The following CACUL1 variants were observed in gnomAD, a reference collection of about 807,000 sequenced individuals.
The protein encoded by CACUL1 is CDK2-associated and cullin domain-containing protein 1.
In CACUL1, 13 loss-of-function variants were observed where a neutral mutation model predicts 45.2. That is an observed-to-expected ratio of 0.29 (90% confidence interval 0.19 to 0.46). CACUL1 has a LOEUF of 0.46. CACUL1 is among the 20% of genes least tolerant of loss of function. CACUL1 has a pLI of 1.00. For synonymous variants in CACUL1, 197 were observed against 174.2 expected, an observed-to-expected ratio of 1.13 and a Z score of -1.03; for missense variants, 421 against 471.4, an observed-to-expected ratio of 0.89 and a Z score of 0.99.
At chr10:118,702,105 T>C (rs576083204) in intron 4 of CACUL1, among the ~76,000 whole-genome samples, 16 of 152,306 alleles carry the variant, frequency 1.1e-4, no homozygotes, top group African/African-American at 3.8e-4. Context: ...TGCCTTCTCC[T>C]GGACAATGAG....
At chr10:118,691,866 CAAAAAAAAAAA>C (rs754241223) in intron 6 of CACUL1, among the ~76,000 whole-genome samples, 29 of 95,410 alleles carry the variant, frequency 3.0e-4, no homozygotes, top group Non-Finnish European at 3.2e-4. Context: ...GACTCCGTCT[CAAAAAAAAAAA>C]AAAAAAAAAA....
intron 1 of CACUL1, among the ~76,000 whole-genome samples, chr10:118,744,857 C>T (rs1420584616): frequency 6.6e-6 from 1 of 152,032 alleles, no homozygotes; most frequent in Admixed American, 6.6e-5. Context: ...GGTTTCACCA[C>T]GTTGGCCAGG....
chr10:118,695,015 C>T, intron 6 of CACUL1, 126 bp downstream of exon 6: 1 of 644,344 alleles, frequency 1.6e-6, no homozygotes, highest in Non-Finnish European at 2.9e-6. Flanking sequence ...TGAGTATCTA[C>T]TCAATTTTTT....
intron 3 of CACUL1, among the ~76,000 whole-genome samples, chr10:118,716,305 ATTTT>A (rs143046882): frequency 6.9e-6 from 1 of 145,032 alleles, no homozygotes; most frequent in Non-Finnish European, 1.5e-5. Context: ...CCATTTTGGT[ATTTT>A]TTTTTTTTTT....
chr10:118,681,384 G>A lies in CACUL1; in HGVS notation c.*4744C>T, dbSNP rs1025990450. 1.8e-4 allele frequency: 27 copies of A among 152,192 alleles called. No homozygotes were observed. The highest frequency in any genetic ancestry group is 6.3e-4 in the African/African-American group (26 of 41,450). 9.4% of individuals were successfully genotyped at this position (152,192 alleles called of 1,614,324 possible). A position where few individuals can be genotyped will look rare whatever the true frequency, so the allele number is the denominator to read the frequency against. ...GTAAGTTATCCTGAAGTGTGTGGCT[G>A]TAATATTGACAAATAGAACTAATGA... On this transcript the variant is annotated 3_prime_UTR_variant, in exon 9 of 9. Coordinates refer to ENST00000369151, the MANE Select transcript of CACUL1 (RefSeq NM_153810.5).
At chr10:118,691,438 A>G in intron 6 of CACUL1, 35 bp from the exon 7 acceptor site, 5 of 1,570,104 alleles carry the variant, frequency 3.2e-6, no homozygotes, top group Non-Finnish European at 4.4e-6. Context: ...TAAGGAAATC[A>G]TATAAACACA....
chr10:118,728,317 CTTTTT>C (rs5788315), intron 3 of CACUL1, among the ~76,000 whole-genome samples: 1 of 140,814 alleles, frequency 7.1e-6, no homozygotes. Flanking sequence ...AGTGACTTTT[CTTTTT>C]TTTTTTTTTT....
At chr10:118,736,004 C>T (rs1224215327) in intron 1 of CACUL1, among the ~76,000 whole-genome samples, 1 of 152,068 alleles carries the variant, frequency 6.6e-6, no homozygotes, top group South Asian at 2.1e-4. Context: ...CTAGAGTATG[C>T]TCATCTGTGA....
chr10:118,731,894 C>T (rs554382824), intron 1 of CACUL1, among the ~76,000 whole-genome samples: 3 of 152,186 alleles, frequency 2.0e-5, no homozygotes, highest in East Asian at 3.9e-4. Context: ...AAAAATGAAC[C>T]GAATTACAAA....
intron 3 of CACUL1, among the ~76,000 whole-genome samples, chr10:118,717,564 C>T (rs1216841242): frequency 1.3e-5 from 2 of 152,136 alleles, no homozygotes; most frequent in East Asian, 1.9e-4. Flanking sequence ...TAACTTACAT[C>T]TGCAATGTTC....
At chr10:118,749,576 G>A (rs1388810918) in intron 1 of CACUL1, among the ~76,000 whole-genome samples, 1 of 152,184 alleles carries the variant, frequency 6.6e-6, no homozygotes, top group African/African-American at 2.4e-5. Flanking sequence ...TAAAGAAGAG[G>A]ATGAGTTCCA....
chr10:118,725,084 G>T (rs1380190196), intron 3 of CACUL1, among the ~76,000 whole-genome samples: 1 of 152,102 alleles, frequency 6.6e-6, no homozygotes, highest in Non-Finnish European at 1.5e-5. Flanking sequence ...TCCATTCACT[G>T]GTATAGGAAA....
chr10:118,715,968 G>A (rs983633203), intron 3 of CACUL1, among the ~76,000 whole-genome samples: 1 of 152,128 alleles, frequency 6.6e-6, no homozygotes, highest in Non-Finnish European at 1.5e-5. Flanking sequence ...TGGGCGCGGT[G>A]GCTCACACCT....
At chr10:118,718,540 C>T (rs1262649851) in intron 3 of CACUL1, among the ~76,000 whole-genome samples, 1 of 152,200 alleles carries the variant, frequency 6.6e-6, no homozygotes, top group Non-Finnish European at 1.5e-5. Context: ...AGACAAACAC[C>T]TCACGGCCCG....
At chr10:118,752,296 G>T (rs1845906752) in intron 1 of CACUL1, among the ~76,000 whole-genome samples, 2 of 152,024 alleles carry the variant, frequency 1.3e-5, no homozygotes, top group Admixed American at 1.3e-4. Flanking sequence ...TTTACTGAAG[G>T]TTTTTGGTAA....
At chr10:118,717,721 A>C (rs746205628) in intron 3 of CACUL1, among the ~76,000 whole-genome samples, 5 of 152,210 alleles carry the variant, frequency 3.3e-5, no homozygotes, top group Admixed American at 2.0e-4. Flanking sequence ...CCAAGTGTGA[A>C]CTAACAGTGT....
At position 118,716,188 on chromosome 10, in the gene CACUL1, C is replaced by G. The variant is rs578180926; in HGVS notation, c.598-8601G>C. The stretch of plus-strand genomic sequence containing the variant: ...TGGAGCTTGCAGTAAGCCAAGATTG[C>G]GCCACTGCACTCCAGCCTGGGCGAC... On this transcript the variant is annotated intron_variant, in intron 3 of 8. Transcript: ENST00000369151. Among the ~76,000 whole-genome samples, 21 of 150,946 alleles carry G rather than the reference C, an allele frequency of 1.4e-4. No individual in the cohort carries two copies. In the South Asian group the frequency reaches 4.0e-3, roughly 29 times the overall value.
intron 5 of CACUL1, among the ~76,000 whole-genome samples, chr10:118,700,139 G>T (rs1485534483): frequency 6.6e-6 from 1 of 151,928 alleles, no homozygotes; most frequent in Non-Finnish European, 1.5e-5. Flanking sequence ...AAAAGTTTAT[G>T]GTCAAGCTTA....
chr10:118,719,129 A>T (rs1053592448), intron 3 of CACUL1, among the ~76,000 whole-genome samples: 6 of 152,244 alleles, frequency 3.9e-5, no homozygotes, highest in Non-Finnish European at 7.3e-5. Context: ...GCACAAAAAG[A>T]TGGGAGAATT....
Sources: gnomAD v4.1 joint callset for allele counts (sites outside exome capture counted in the v4.1 genomes callset) on GRCh38, gnomAD v4.1.1 for gene constraint, MANE v1.5 for transcripts, NCBI Gene and HGNC (gene_info 2026-07-23, HGNC 2026-07-21) for gene names.